The following GUCY2F variants were observed in gnomAD, a reference collection of about 807,000 sequenced individuals.
GUCY2F encodes guanylate cyclase 2F, retinal, also known as retinal guanylyl cyclase 2.
In GUCY2F, 61 loss-of-function variants were observed where a neutral mutation model predicts 73.1. The ratio of observed to expected loss-of-function variants is 0.83; its 90% confidence interval spans 0.68 to 1.03. The LOEUF (loss-of-function observed/expected upper bound fraction) is 1.03. Among genes scored for constraint, GUCY2F ranks in the 50% least tolerant of loss-of-function variants. The pLI, the probability that GUCY2F is intolerant of heterozygous loss-of-function variation, is 0.00. For missense variants in GUCY2F, 912 were observed against 854.3 expected (o/e 1.07, Z -0.84); for synonymous variants, 331 against 307.8 (o/e 1.08, Z -0.79).
chrX:109,391,858 G>A (rs773668430), intron 14 of GUCY2F, 53 bp downstream of exon 14: 4 of 723,522 alleles, frequency 5.5e-6, no homozygotes, highest in Non-Finnish European at 6.1e-6. Flanking sequence ...CATATGGATG[G>A]GCCTCATATA....
chrX:109,451,918 C>G, intron 5 of GUCY2F, 105 bp downstream of exon 5: 1 of 519,304 alleles, frequency 1.9e-6, no homozygotes, highest in Admixed American at 2.8e-5. Context: ...ATCAGTGGGT[C>G]ATGTAATGAG....
chrX:109,480,415 A>G, intron 1 of GUCY2F, among the ~76,000 whole-genome samples: 2 of 111,629 alleles, frequency 1.8e-5, no homozygotes, highest in South Asian at 7.5e-4. Context: ...TATTTCAAGC[A>G]TCAGTTGCAG....
chrX:109,432,582 T>C (rs1931641505), intron 7 of GUCY2F, among the ~76,000 whole-genome samples: 1 of 112,279 alleles, frequency 8.9e-6, no homozygotes, highest in African/African-American at 3.2e-5. Flanking sequence ...GAAAGGGTAT[T>C]TTCTCTCAAA....
chrX:109,384,789 C>T (rs1930395660), intron 16 of GUCY2F, among the ~76,000 whole-genome samples: 1 of 111,679 alleles, frequency 9.0e-6, no homozygotes, highest in Middle Eastern at 4.7e-3. Context: ...TGCGTCTCCA[C>T]AAACTAGTTG....
intron 12 of GUCY2F, 31 bp from the exon 13 acceptor site, chrX:109,393,086 A>G (rs1267580182): frequency 1.2e-6 from 1 of 831,975 alleles, no homozygotes; most frequent in Admixed American, 2.3e-5. Context: ...GGAACCAGAA[A>G]ATGCTTACTC....
At chrX:109,396,945 C>T (rs1228738145) in intron 11 of GUCY2F, among the ~76,000 whole-genome samples, 4 of 112,358 alleles carry the variant, frequency 3.6e-5, no homozygotes, top group Non-Finnish European at 3.8e-5. Context: ...GAATGGGCCA[C>T]CTCTCTGCTT....
chrX:109,444,836 T>A (rs1227694483), intron 6 of GUCY2F, among the ~76,000 whole-genome samples: 1 of 111,880 alleles, frequency 8.9e-6, no homozygotes, highest in African/African-American at 3.2e-5. Context: ...TAAAGAAAAC[T>A]CAGAAATCCA....
rs750637198 is a variant in GUCY2F at position 109,384,708 on chromosome X, G to C, written c.3055+476C>G. On this transcript the variant is annotated intron_variant, in intron 16 of 19. Transcript: ENST00000218006. ...GCTATTTGATGAAGCCAGAACTCCTGGGGTCCTAACTGGTTCAAAAAGGGG... is the reference window on the plus strand; with the variant it reads ...GCTATTTGATGAAGCCAGAACTCCTCGGGTCCTAACTGGTTCAAAAAGGGG... Among the ~76,000 whole-genome samples, 3 of 111,817 alleles carry C rather than the reference G, an allele frequency of 2.7e-5. No homozygotes were observed. The East Asian group carries it at 8.5e-4, about 32-fold the overall frequency.
In GUCY2F at chrX:109,465,134, G is replaced by A; in HGVS notation, c.1032+8C>T. On this transcript the variant is annotated splice_region_variant and intron_variant, in intron 3 of 19. Coordinates refer to ENST00000218006, the MANE Select transcript of GUCY2F (RefSeq NM_001522.3). ...TCAGCTCATGACAACCTATGAATGT[G>A]TACTTACTTGATCGAACTCCAGCTT... is the stretch of plus-strand genomic sequence containing the variant. 8.4e-7 allele frequency: 1 copy of A among 1,186,467 alleles called. No individual in the cohort carries two copies.
Position 109,395,366 on chromosome X carries a change from G to C in GUCY2F, c.2399C>G (p.Pro800Arg), listed in dbSNP as rs1026999349. The change falls in exon 12 of 20, where the codon CCA becomes CGA. Residue 800 changes from proline to arginine, a missense_variant. Physicochemically the swap from Pro to Arg is moderately radical, Grantham distance 103. Transcript: ENST00000218006. ...QCWAEAAEQRPTFDEIFNQFK... is the reference protein window; with the variant it reads ...QCWAEAAEQRRTFDEIFNQFK... The stretch of plus-strand genomic sequence containing the variant: ...CTGGTTAAATATTTCATCAAAAGTT[G>C]GTCGTTGTTCTGCAGCCTCAGCCCA... 7 of 1,205,992 alleles carry C rather than the reference G, an allele frequency of 5.8e-6. No individual in the cohort carries two copies. Among genetic ancestry groups the C allele is most frequent in the African/African-American group, 3.5e-5 (2 of 57,129 alleles).
chrX:109,445,677 G>A (rs1371637671), intron 6 of GUCY2F, among the ~76,000 whole-genome samples: 1 of 111,370 alleles, frequency 9.0e-6, no homozygotes, highest in Non-Finnish European at 1.9e-5. Context: ...ATACTTAATG[G>A]GCAAAAACTG....
Position 109,434,563 on chromosome X carries a change from C to T in GUCY2F, c.1702-4167G>A, listed in dbSNP as rs778831744. ...TTATGAAAATTTAATTTATTTTCTC[C>T]CATTTTGCAGGTTGCCTGTTCACTC... is the stretch of plus-strand genomic sequence containing the variant. On this transcript the variant is annotated intron_variant, in intron 7 of 19. Transcript: ENST00000218006. Among the ~76,000 whole-genome samples, 3 of 110,082 alleles carry T rather than the reference C, an allele frequency of 2.7e-5. No individual in the cohort carries two copies. In the East Asian group the frequency reaches 8.6e-4, roughly 32 times the overall value.
intron 16 of GUCY2F, among the ~76,000 whole-genome samples, chrX:109,384,562 C>A (rs1398243736): frequency 8.9e-6 from 1 of 111,788 alleles, no homozygotes; most frequent in Non-Finnish European, 1.9e-5. Context: ...GAAATGGTAT[C>A]TTTGATAGTA....
At chrX:109,397,109 A>G (rs1303399622) in intron 11 of GUCY2F, among the ~76,000 whole-genome samples, 1 of 112,036 alleles carries the variant, frequency 8.9e-6, no homozygotes, top group Non-Finnish European at 1.9e-5. Flanking sequence ...TTCCCAGAGA[A>G]GGTGACATGA....
chrX:109,392,603 G>T (rs946703083), intron 13 of GUCY2F, among the ~76,000 whole-genome samples: 3 of 111,406 alleles, frequency 2.7e-5, no homozygotes, highest in Non-Finnish European at 3.8e-5. Context: ...TCTTTTAATC[G>T]GTCAACCTCC....
At chrX:109,453,461 C>A in intron 4 of GUCY2F, 44 bp downstream of exon 4, 1 of 875,630 alleles carries the variant, frequency 1.1e-6, no homozygotes, top group South Asian at 2.4e-5. Flanking sequence ...CCCTTGTAAC[C>A]CAAGCTGAGC....
At chrX:109,393,805 T>G in intron 12 of GUCY2F, among the ~76,000 whole-genome samples, 1 of 112,450 alleles carries the variant, frequency 8.9e-6, no homozygotes, top group Non-Finnish European at 1.9e-5. Context: ...GTAGCCCCTC[T>G]GTACTGCTAT....
At position 109,395,428 on chromosome X, in the gene GUCY2F, A is replaced by G; in HGVS notation, c.2337T>C (p.His779=). 3 of 1,198,992 alleles carry G rather than the reference A, an allele frequency of 2.5e-6. No individual in the cohort carries two copies. The highest frequency in any genetic ancestry group is 3.4e-6 in the Non-Finnish European group (3 of 883,671). Residue 779 remains histidine, a synonymous_variant, in exon 12 of 20, where the codon CAT becomes CAC. Transcript: ENST00000218006. The part of the protein sequence containing the change: ...PVYRPVVPPE[H]APPECLQLMK... ...TCAGCTGGAGACATTCTGGAGGGGCATGCTCAGGAGGAACTACTGGTCTGT... is the reference window on the plus strand; with the variant it reads ...TCAGCTGGAGACATTCTGGAGGGGCGTGCTCAGGAGGAACTACTGGTCTGT...
chrX:109,474,273 A>T (rs1281585987), intron 2 of GUCY2F, among the ~76,000 whole-genome samples: 1 of 112,149 alleles, frequency 8.9e-6, no homozygotes, highest in East Asian at 2.8e-4. Context: ...TCCATCCTAA[A>T]GTGGTGGAGT....
Sources: allele counts gnomAD v4.1 joint callset (sites outside exome capture counted in the v4.1 genomes callset), GRCh38; gene constraint gnomAD v4.1.1; transcripts MANE v1.5; gene names NCBI Gene and HGNC (gene_info 2026-07-23, HGNC 2026-07-21).